Variants in GPM6B observed in about 807,000 individuals in gnomAD.
GPM6B encodes the protein neuronal membrane glycoprotein M6-b.
In GPM6B, 4 loss-of-function variants were observed where a neutral mutation model predicts 27.2. The ratio of observed to expected loss-of-function variants is 0.15; its 90% CI spans 0.07 to 0.34. The LOEUF (loss-of-function observed/expected upper bound fraction) is 0.34, where lower values mean the gene tolerates loss of function less well. Ranked by LOEUF, GPM6B falls within the 10% of genes least tolerant of loss-of-function variation. The probability of loss-of-function intolerance (pLI) is 1.00; values close to 1 mark genes in which losing one functional copy is unlikely to be tolerated. For missense variants in GPM6B, 183 were observed against 261.9 expected (o/e 0.70, Z 2.08); for synonymous variants, 124 against 103.1 (o/e 1.20, Z -1.23).
intron 1 of GPM6B, among the ~76,000 whole-genome samples, chrX:13,904,580 C>A (rs1208068984): frequency 9.0e-6 from 1 of 111,629 alleles, no homozygotes; most frequent in East Asian, 2.8e-4. Context: ...CACACCCATT[C>A]ACTTCCGTAT....
chrX:13,783,268 G>C, intron 4 of GPM6B, 97 bp downstream of exon 4: 1 of 737,772 alleles, frequency 1.4e-6, no homozygotes, highest in African/African-American at 2.1e-5. Flanking sequence ...CTCCATTCAC[G>C]CTCGATACCT....
intron 1 of GPM6B, among the ~76,000 whole-genome samples, chrX:13,903,064 A>G (rs2050296336): frequency 8.9e-6 from 1 of 111,983 alleles, no homozygotes; most frequent in Non-Finnish European, 1.9e-5. Context: ...CTCGAGGAGG[A>G]CCTCATTAAG....
At chrX:13,848,529 G>A (rs1434606145) in intron 1 of GPM6B, among the ~76,000 whole-genome samples, 5 of 112,006 alleles carry the variant, frequency 4.5e-5, no homozygotes, top group Non-Finnish European at 9.4e-5. Context: ...TTATTCTGCC[G>A]GTTGTTTAGA....
intron 1 of GPM6B, among the ~76,000 whole-genome samples, chrX:13,855,166 G>A (rs62587503): frequency 0.27 from 29,357 of 109,685 alleles, 3,095 homozygotes; most frequent in East Asian, 0.44. Flanking sequence ...TTACAGGCAC[G>A]TGCCACCATA....
At chrX:13,876,097 A>G (rs1186040193) in intron 1 of GPM6B, among the ~76,000 whole-genome samples, 1 of 112,582 alleles carries the variant, frequency 8.9e-6, no homozygotes, top group Non-Finnish European at 1.9e-5. Context: ...ATGCTGAGTT[A>G]CAACGATGTG....
intron 1 of GPM6B, among the ~76,000 whole-genome samples, chrX:13,873,632 A>C (rs1349081655): frequency 9.0e-6 from 1 of 111,587 alleles, no homozygotes; most frequent in Non-Finnish European, 1.9e-5. Context: ...TTTGGGATTA[A>C]ATGGGTCAAT....
intron 1 of GPM6B, among the ~76,000 whole-genome samples, chrX:13,854,001 G>C (rs750450158): frequency 8.9e-6 from 1 of 111,743 alleles, no homozygotes; most frequent in Non-Finnish European, 1.9e-5. Context: ...GTCTCAGATT[G>C]GTCAAGTCAA....
At chrX:13,816,349 T>C (rs976938663) in intron 1 of GPM6B, among the ~76,000 whole-genome samples, 10 of 110,907 alleles carry the variant, frequency 9.0e-5, no homozygotes, top group Non-Finnish European at 7.5e-5. Context: ...TTACATGTCG[T>C]AGTCAGGGCC....
chrX:13,853,657 C>T (rs1435254892), intron 1 of GPM6B, among the ~76,000 whole-genome samples: 5 of 104,141 alleles, frequency 4.8e-5, no homozygotes, highest in African/African-American at 1.7e-4. Context: ...CACATGCAGA[C>T]TTCCTTATGC....
intron 4 of GPM6B, among the ~76,000 whole-genome samples, chrX:13,781,991 C>T (rs146638467): frequency 8.9e-6 from 1 of 111,986 alleles, no homozygotes; most frequent in Non-Finnish European, 1.9e-5. Flanking sequence ...TCCACCTTCT[C>T]CACCTCACAT....
At chrX:13,900,394 G>A (rs1170814866) in intron 1 of GPM6B, among the ~76,000 whole-genome samples, 2 of 111,474 alleles carry the variant, frequency 1.8e-5, no homozygotes, top group Non-Finnish European at 3.8e-5. Context: ...GCTGCGGTTG[G>A]TGAGTTACTG....
intron 1 of GPM6B, among the ~76,000 whole-genome samples, chrX:13,814,068 T>G (rs1052509082): frequency 3.6e-5 from 4 of 112,262 alleles, no homozygotes; most frequent in Non-Finnish European, 7.5e-5. Flanking sequence ...TCATTGTGAT[T>G]AAGTTTAAAG....
At chrX:13,794,620 T>A (rs1159645279) in intron 2 of GPM6B, among the ~76,000 whole-genome samples, 3 of 112,050 alleles carry the variant, frequency 2.7e-5, no homozygotes. Context: ...TGAGCGTGAA[T>A]CGGGCAGTGG....
intron 1 of GPM6B, 109 bp downstream of exon 1, chrX:13,816,735 T>C: frequency 2.2e-6 from 2 of 922,870 alleles, no homozygotes; most frequent in Non-Finnish European, 1.6e-6. Context: ...GACCATGCCA[T>C]AGGGATTGTC....
rs149046154 is a variant in GPM6B, at chrX:13,776,511, G to A, written c.772-208C>T. 1.3e-3 allele frequency among the ~76,000 whole-genome samples: 143 copies of A among 111,515 alleles called. No individual in the cohort carries two copies. The East Asian group carries it at 0.019, about 15-fold the overall frequency. On this transcript the variant is annotated intron_variant, in intron 6 of 7. Transcript: ENST00000316715. ...TGATGCCCAGACTGCCCCCCAAATC[G>A]ATTAAATCTGAATACCTAAGGGCTG...
chrX:13,862,541 G>A (rs1439380598), intron 1 of GPM6B, among the ~76,000 whole-genome samples: 1 of 111,793 alleles, frequency 8.9e-6, no homozygotes, highest in Non-Finnish European at 1.9e-5. Context: ...GCAACAAGGT[G>A]GGTAGGTGGG....
chrX:13,843,695 G>C (rs142960965), intron 1 of GPM6B, among the ~76,000 whole-genome samples: 1,768 of 112,208 alleles, frequency 0.016, 35 homozygotes, highest in Admixed American at 0.07. Flanking sequence ...TAATGATGTT[G>C]AACATCTTTC....
intron 1 of GPM6B, among the ~76,000 whole-genome samples, chrX:13,876,445 T>C (rs1171031748): frequency 3.6e-5 from 4 of 112,527 alleles, no homozygotes; most frequent in Admixed American, 9.4e-5. Context: ...GACATACAAA[T>C]GTTCTCTGAT....
chrX:13,852,630 A>T (rs1242118867), intron 1 of GPM6B, among the ~76,000 whole-genome samples: 2 of 111,418 alleles, frequency 1.8e-5, no homozygotes, highest in Admixed American at 1.9e-4. Context: ...TATTAATCAC[A>T]TACAACTTCT....
Sources: gnomAD v4.1 joint callset for allele counts (sites outside exome capture counted in the v4.1 genomes callset) on GRCh38, gnomAD v4.1.1 for gene constraint, MANE v1.5 for transcripts, NCBI Gene and HGNC (gene_info 2026-07-23, HGNC 2026-07-21) for gene names.